Variants in ADAMTS13 observed in about 807,000 individuals in gnomAD.
ADAMTS13 encodes ADAM metallopeptidase with thrombospondin type 1 motif 13, also known as A disintegrin and metalloproteinase with thrombospondin motifs 13.
In ADAMTS13, 110 loss-of-function variants were observed where a neutral mutation model predicts 155.1. That is an observed-to-expected ratio of 0.71 (90% confidence interval 0.61 to 0.83). ADAMTS13 has a LOEUF of 0.83. ADAMTS13 is among the 40% of genes least tolerant of loss of function. ADAMTS13 has a pLI of 0.00. For synonymous variants in ADAMTS13, 758 were observed against 756.4 expected (o/e 1.00, Z -0.03); for missense variants, 1,707 against 1,891.7 (o/e 0.90, Z 1.81).
At chr9:133,437,113 C>T (rs1841296567) in intron 12 of ADAMTS13, among the ~76,000 whole-genome samples, 158 bp downstream of exon 12, 1 of 152,166 alleles carries the variant, frequency 6.6e-6, no homozygotes, top group South Asian at 2.1e-4. Context: ...AGTGGCCAGG[C>T]CTCGCTGGTA....
chr9:133,446,850 T>G (rs1219675142), intron 21 of ADAMTS13, among the ~76,000 whole-genome samples: 2 of 151,986 alleles, frequency 1.3e-5, no homozygotes, highest in South Asian at 2.1e-4. Context: ...ATTTCTATGG[T>G]TTTTTTTGTT....
Position 133,459,341 on chromosome 9 carries a change from C to T in ADAMTS13, c.*161C>T. The stretch of plus-strand genomic sequence containing the variant: ...GTTGGAGGTGGGGACTCTGGAAAAG[C>T]AGCCCCCATTTCCTCGGGTACCAAT... On this transcript the variant is annotated 3_prime_UTR_variant, in exon 29 of 29. Coordinates refer to ENST00000355699, the MANE Select transcript of ADAMTS13 (RefSeq NM_139027.6). 3 of 777,754 alleles carry T rather than the reference C, an allele frequency of 3.9e-6. No homozygotes were observed. In the South Asian group the frequency reaches 4.4e-5, roughly 11 times the overall value. 48.2% of individuals were successfully genotyped at this position (777,754 alleles called of 1,614,324 possible).
intron 23 of ADAMTS13, among the ~76,000 whole-genome samples, chr9:133,451,916 A>AAG (rs57911645): frequency 1.6e-4 from 24 of 147,094 alleles, no homozygotes; most frequent in African/African-American, 5.7e-4. Flanking sequence ...AAAAAAAAAA[A>AAG]GATTTTACTT....
Position 133,455,289 on chromosome 9 carries a change from C to A in ADAMTS13, c.3254C>A (p.Ser1085Tyr). The change falls in exon 25 of 29, where the codon TCT becomes TAT. Residue 1085 changes from serine (S) to tyrosine (Y), a missense_variant. By Grantham distance (144) the Ser-to-Tyr change is moderately radical. Coordinates refer to ENST00000355699, the MANE Select transcript of ADAMTS13 (RefSeq NM_139027.6). ...CCTCCTCCCCTCTCTTGGCAGTGCT[C>A]TGTTTCCTGTGGGGATGGCATCCAG... ...RWHVGTWMEC[S>Y]VSCGDGIQRR... The A allele has an allele frequency of 6.2e-7, 1 of 1,602,042 alleles. No homozygotes were observed. The highest frequency in any genetic ancestry group is 1.1e-5 in the South Asian group (1 of 91,078).
chr9:133,422,457 A>AC lies in ADAMTS13; in HGVS notation c.19dup (p.Arg7ProfsTer132). On this transcript the variant is annotated frameshift_variant, in exon 1 of 29. Transcript: ENST00000355699. LOFTEE classifies it high-confidence loss of function. ...GCTCTCCTGAGGATGCACCAGCGTC[A>AC]CCCCCGGGCAAGATGCCCTCCCCTC... 2 of 1,613,670 alleles carry AC rather than the reference A, an allele frequency of 1.2e-6. No individual in the cohort carries two copies. The highest frequency in any genetic ancestry group is 1.7e-6 in the Non-Finnish European group (2 of 1,179,994).
At chr9:133,436,776 ACAC>A in intron 11 of ADAMTS13, 50 bp from the exon 12 acceptor site, 1 of 715,604 alleles carries the variant, frequency 1.4e-6, no homozygotes, top group Non-Finnish European at 2.2e-6. Flanking sequence ...CCCAGTGACA[ACAC>A]CCGCCCCCCG....
chr9:133,419,286 G>T (rs1032731776), upstream of ADAMTS13, among the ~76,000 whole-genome samples: 1 of 152,300 alleles, frequency 6.6e-6, no homozygotes, highest in East Asian at 1.9e-4. Context: ...GGTGAAGTAT[G>T]GGGGTGGAGC....
rs1842004062 is a variant in ADAMTS13, at chr9:133,445,588, GCA to G, written c.2611-105_2611-104del. 6.4e-7 allele frequency: 1 copy of G among 1,553,430 alleles called. No homozygotes were observed. The highest frequency in any genetic ancestry group is 1.4e-5 in the African/African-American group (1 of 73,708). ...GGGAGGAGGGGAGGGAGCCCCTGGT[GCA>G]CACACGCCACTTCCTGGTCTCTCTG... On this transcript the variant is annotated intron_variant, in intron 20 of 28. Coordinates refer to ENST00000355699, the MANE Select transcript of ADAMTS13 (RefSeq NM_139027.6). This position sits in a 1 kb window ranked among gnomAD's most constrained non-coding sequence, Gnocchi z 5.0.
Position 133,445,220 on chromosome 9 carries a change from G to T in ADAMTS13, c.2610+168G>T, listed in dbSNP as rs903082255. Among the ~76,000 whole-genome samples the T allele has an allele frequency of 1.3e-5, 2 of 152,246 alleles. No homozygotes were observed. Among genetic ancestry groups the T allele is most frequent in the African/African-American group, 4.8e-5 (2 of 41,470 alleles). On this transcript the variant is annotated intron_variant, in intron 20 of 28. Coordinates refer to ENST00000355699, the MANE Select transcript of ADAMTS13 (RefSeq NM_139027.6). This position sits in a 1 kb window ranked among gnomAD's most constrained non-coding sequence, Gnocchi z 5.0. ...TGCTCAGAAAAGAAGCTTAGAAAGA[G>T]GGCTCAGGGCCCCTGGGAAGGCTCC...
chr9:133,450,643 A>G (rs1460051682), intron 23 of ADAMTS13, among the ~76,000 whole-genome samples: 1 of 151,906 alleles, frequency 6.6e-6, no homozygotes, highest in Non-Finnish European at 1.5e-5. Context: ...CAGCTACTTC[A>G]GAGGCGGAGG....
At chr9:133,428,876 T>G (rs1411519482) in intron 7 of ADAMTS13, 105 bp downstream of exon 7, 3 of 1,103,058 alleles carry the variant, frequency 2.7e-6, no homozygotes, top group African/African-American at 1.8e-5. Context: ...TCAGCCCTCC[T>G]TCCTGTCCCA....
chr9:133,417,601 G>A (rs1345622961), upstream of ADAMTS13: 1 of 1,610,250 alleles, frequency 6.2e-7, no homozygotes, highest in East Asian at 2.2e-5. Context: ...CGCTCCGCCC[G>A]GGCCCCCTCA....
intron 8 of ADAMTS13, among the ~76,000 whole-genome samples, chr9:133,431,381 C>T (rs1840753527): frequency 6.7e-6 from 1 of 148,698 alleles, no homozygotes; most frequent in Non-Finnish European, 1.5e-5. Context: ...GGCTGGAGTG[C>T]AGTGGCACAA....
chr9:133,423,625 G>A (rs1314670618), intron 2 of ADAMTS13, among the ~76,000 whole-genome samples: 2 of 152,184 alleles, frequency 1.3e-5, no homozygotes, highest in Non-Finnish European at 2.9e-5. Flanking sequence ...TCTCCGGTGC[G>A]AGCCCCCTTC....
chr9:133,414,872 C>G, intron 1 of ADAMTS13: 1 of 1,614,166 alleles, frequency 6.2e-7, no homozygotes, highest in Non-Finnish European at 8.5e-7. Context: ...CTGGTCTTTT[C>G]CTGCCGGCAT....
In ADAMTS13 at chr9:133,438,386, G is replaced by A. The variant is rs782395180; in HGVS notation, c.1705+20G>A. On this transcript the variant is annotated intron_variant, in intron 14 of 28. Coordinates refer to ENST00000355699, the MANE Select transcript of ADAMTS13 (RefSeq NM_139027.6). Reference sequence around the variant, plus strand: ...CGAGAGGTAGGCGGCCTCCCTCGGGGCAGAGGCTGGGCTTCCCCCAGCCTC... The same window carrying A: ...CGAGAGGTAGGCGGCCTCCCTCGGGACAGAGGCTGGGCTTCCCCCAGCCTC... The A allele has an allele frequency of 3.7e-6, 6 of 1,612,588 alleles. No individual in the cohort carries two copies. The African/African-American group carries it at 5.3e-5, about 14-fold the overall frequency.
chr9:133,417,376 T>C (rs1026872923), upstream of ADAMTS13, among the ~76,000 whole-genome samples: 3 of 152,270 alleles, frequency 2.0e-5, no homozygotes, highest in Admixed American at 6.5e-5. Context: ...TAGTTCATTA[T>C]GCAAAAGGTA....
At position 133,426,028 on chromosome 9, in the gene ADAMTS13, C is replaced by A; in HGVS notation, c.505C>A (p.Pro169Thr). The A allele has an allele frequency of 6.2e-7, 1 of 1,614,062 alleles. No individual in the cohort carries two copies. Among genetic ancestry groups the A allele is most frequent in the Non-Finnish European group, 8.5e-7 (1 of 1,180,032 alleles). The change falls in exon 5 of 29, where the codon CCT becomes ACT. Residue 169 changes from proline (P) to threonine (T), a missense_variant. Physicochemically the swap from Pro to Thr is conservative, Grantham distance 38 (BLOSUM62 -1). Around this residue, in one of 3 missense-constraint regions of ADAMTS13, gnomAD observed 733 missense variants for 749.6 expected, o/e 0.98. Transcript: ENST00000355699. Reference sequence around the variant, plus strand: ...CATCAACCCTGAGGACGACACGGATCCTGGCCATGCTGACCTGGTCCTCTA... The same window carrying A: ...CATCAACCCTGAGGACGACACGGATACTGGCCATGCTGACCTGGTCCTCTA... ...QTINPEDDTD[P>T]GHADLVLYIT...
chr9:133,455,565 G>T, intron 25 of ADAMTS13, 130 bp downstream of exon 25: 1 of 1,607,852 alleles, frequency 6.2e-7, no homozygotes. Flanking sequence ...CAGCCTCGGC[G>T]GCTCCTGCCC....
Sources: allele counts gnomAD v4.1 joint callset (sites outside exome capture counted in the v4.1 genomes callset), GRCh38; gene constraint gnomAD v4.1.1; regional missense constraint gnomAD v4.1.1; non-coding constraint Gnocchi (gnomAD v3.1); transcripts MANE v1.5; gene names NCBI Gene and HGNC (gene_info 2026-07-23, HGNC 2026-07-21).